ZNF33A: variants seen among roughly 807,000 people sequenced by gnomAD.
ZNF33A encodes the protein zinc finger protein 33A, also known as brain my041 protein.
Under a neutral mutation model 15.9 loss-of-function variants are expected in ZNF33A, and 9 were observed. The ratio of observed to expected loss-of-function variants is 0.57; its 90% CI spans 0.34 to 0.99. The LOEUF (loss-of-function observed/expected upper bound fraction) is 0.99. Among genes scored for constraint, ZNF33A ranks in the 50% least tolerant of loss-of-function variants. The pLI, the probability that ZNF33A is intolerant of heterozygous loss-of-function variation, is 0.02. For synonymous variants in ZNF33A, 294 were observed against 324.2 expected, an observed-to-expected ratio of 0.91 and a Z score of 1.00; for missense variants, 843 against 941.6, an observed-to-expected ratio of 0.90 and a Z score of 1.37.
In ZNF33A at chr10:38,059,233, C is replaced by CA. The variant is rs1176953088; in HGVS notation, c.*2679dup. On this transcript the variant is annotated 3_prime_UTR_variant, in exon 5 of 5. Transcript: ENST00000432900. ...ACTCAAGTTGGTAAAGAACATACTA[C>CA]AAAAAACCCTACAGCTAACATTATC... 3 of 152,132 alleles carry CA rather than the reference C, an allele frequency of 2.0e-5. No individual in the cohort carries two copies. The highest frequency in any genetic ancestry group is 7.2e-5 in the African/African-American group (3 of 41,416). 9.4% of individuals were successfully genotyped at this position (152,132 alleles called of 1,614,324 possible).
chr10:38,024,100 C>T (rs1005607742), intron 4 of ZNF33A, among the ~76,000 whole-genome samples: 2 of 139,510 alleles, frequency 1.4e-5, no homozygotes, highest in South Asian at 4.3e-4. Context: ...TACGGTGAGC[C>T]GAGATCACGC....
chr10:38,039,675 A>G (rs1461944853), intron 4 of ZNF33A: 8 of 433,430 alleles, frequency 1.8e-5, no homozygotes, highest in Non-Finnish European at 3.2e-5. Flanking sequence ...GTTGGCATAC[A>G]TTGTTCATAC....
At chr10:38,045,949 G>A (rs116781853) in intron 4 of ZNF33A, among the ~76,000 whole-genome samples, 1,663 of 152,288 alleles carry the variant, frequency 0.011, 36 homozygotes, top group African/African-American at 0.038. Context: ...CTCTGGGTGA[G>A]TGATACTGTG....
chr10:38,010,492 G>A (rs374564534), upstream of ZNF33A, among the ~76,000 whole-genome samples: 2 of 152,192 alleles, frequency 1.3e-5, no homozygotes, highest in Non-Finnish European at 1.5e-5. Context: ...GAAAGCCAGG[G>A]CTGCAGGCAG....
At chr10:38,042,747 C>A (rs1590636555) in intron 4 of ZNF33A, among the ~76,000 whole-genome samples, 2 of 151,932 alleles carry the variant, frequency 1.3e-5, no homozygotes, top group African/African-American at 4.8e-5. Context: ...GAGATGGTGT[C>A]TCAATATGTT....
At chr10:38,053,392 T>C (rs1436242878) in intron 4 of ZNF33A, among the ~76,000 whole-genome samples, 2 of 152,114 alleles carry the variant, frequency 1.3e-5, no homozygotes, top group Admixed American at 6.6e-5. Context: ...GAAAGAGAGC[T>C]CATGCATGTG....
chr10:38,021,179 CAG>C (rs994846341), intron 4 of ZNF33A, among the ~76,000 whole-genome samples: 100 of 152,212 alleles, frequency 6.6e-4, no homozygotes, highest in South Asian at 1.4e-3. Context: ...TTAATCAAAA[CAG>C]AGTGACACTA....
chr10:38,066,366 C>T (rs548864252), downstream of ZNF33A, among the ~76,000 whole-genome samples: 11 of 152,026 alleles, frequency 7.2e-5, 1 homozygote, highest in South Asian at 2.1e-4. Context: ...GCAACCTCTG[C>T]CCCCTGGGTT....
intron 4 of ZNF33A, among the ~76,000 whole-genome samples, chr10:38,037,161 ATGAAGATCCACTCCTG>A (rs2065488673): frequency 6.6e-6 from 1 of 152,130 alleles, no homozygotes; most frequent in Non-Finnish European, 1.5e-5. Context: ...TCCCCAGGGC[ATGAAGATCCACTCCTG>A]TATTTTCTTT....
At chr10:38,061,566 C>G (rs569402818), downstream of ZNF33A, among the ~76,000 whole-genome samples, 21 of 152,192 alleles carry the variant, frequency 1.4e-4, no homozygotes, top group African/African-American at 4.6e-4. Flanking sequence ...GGGCCACAGA[C>G]TACATGACCT....
intron 2 of ZNF33A, among the ~76,000 whole-genome samples, chr10:38,014,104 C>T (rs765687913): frequency 5.0e-5 from 6 of 119,576 alleles, no homozygotes; most frequent in Non-Finnish European, 8.0e-5. Flanking sequence ...GTGCAGTGTG[C>T]GATCTTGGCT....
intron 4 of ZNF33A, chr10:38,039,442 G>T (rs1450943676): frequency 1.5e-5 from 7 of 454,610 alleles, no homozygotes; most frequent in East Asian, 1.4e-4. Context: ...TCCTGGGCTG[G>T]TCTTAAACTC....
rs189494304 is a variant in ZNF33A at position 38,012,100 on chromosome 10, T to C, written c.-44-198T>C. On this transcript the variant is annotated intron_variant, in intron 1 of 4. Coordinates refer to ENST00000432900, the MANE Select transcript of ZNF33A (RefSeq NM_006954.2). ...TACATAATTATGTTGGAGTTATTCTTTCACCATTTCTACCGCCTATTCCGA... is the reference window on the plus strand; with the variant it reads ...TACATAATTATGTTGGAGTTATTCTCTCACCATTTCTACCGCCTATTCCGA... 3.9e-3 allele frequency among the ~76,000 whole-genome samples: 599 copies of C among 152,320 alleles called. 6 individuals are homozygous for C. The highest frequency in any genetic ancestry group is 0.014 in the African/African-American group (570 of 41,568).
chr10:38,024,175 A>AGAG, intron 4 of ZNF33A, among the ~76,000 whole-genome samples: 1 of 144,746 alleles, frequency 6.9e-6, no homozygotes, highest in South Asian at 2.2e-4. Context: ...AAAAAAAAAA[A>AGAG]AAAAAAGAAA....
At chr10:38,011,788 A>G (rs767102918) in intron 1 of ZNF33A, among the ~76,000 whole-genome samples, 9 of 152,218 alleles carry the variant, frequency 5.9e-5, no homozygotes, top group Non-Finnish European at 1.0e-4. Context: ...AGAAATAGCA[A>G]CAAAGTTAGA....
At chr10:38,037,278 A>G (rs1313444494) in intron 4 of ZNF33A, among the ~76,000 whole-genome samples, 2 of 152,012 alleles carry the variant, frequency 1.3e-5, no homozygotes, top group African/African-American at 2.4e-5. Flanking sequence ...ATTGTTTTGC[A>G]TACAAATATT....
chr10:38,027,290 G>T lies in ZNF33A; in HGVS notation c.250+9904G>T, dbSNP rs117841901. Among the ~76,000 whole-genome samples the T allele has an allele frequency of 9.1e-3, 1,376 of 151,168 alleles. 18 individuals are homozygous for T. Among genetic ancestry groups the T allele is most frequent in the Admixed American group, 0.034 (512 of 15,152 alleles). ...AAATATATTTTACTGGAATTTTTGT[G>T]TGTGTGTGTATAGCTTTGTATCTGT... is the stretch of plus-strand genomic sequence containing the variant. On this transcript the variant is annotated intron_variant, in intron 4 of 4. Transcript: ENST00000432900.
In ZNF33A at chr10:38,054,572, A is replaced by G. The variant is rs531271558; in HGVS notation, c.448A>G (p.Asn150Asp). The G allele has an allele frequency of 5.6e-6, 9 of 1,611,728 alleles. No homozygotes were observed. In the East Asian group the frequency reaches 1.6e-4, roughly 28 times the overall value. Residue 150 changes from asparagine (N) to aspartate (D), a missense_variant, in exon 5 of 5, where the codon AAC (asparagine) becomes GAC (aspartate). Coordinates refer to ENST00000432900, the MANE Select transcript of ZNF33A (RefSeq NM_006954.2). ...CQCDSCGMSF[N>D]TVSELVISKI... ...GTGTGATTCATGTGGAATGAGTTTC[A>G]ACACTGTTTCAGAATTGGTTATCAG...
At chr10:38,046,715 T>C (rs1344888557) in intron 4 of ZNF33A, among the ~76,000 whole-genome samples, 2 of 152,128 alleles carry the variant, frequency 1.3e-5, no homozygotes, top group Admixed American at 1.3e-4. Flanking sequence ...GCCATAGATA[T>C]TAGAATTAAC....
Sources: gnomAD v4.1 joint callset for allele counts (sites outside exome capture counted in the v4.1 genomes callset) on GRCh38, gnomAD v4.1.1 for gene constraint, MANE v1.5 for transcripts, NCBI Gene and HGNC (gene_info 2026-07-23, HGNC 2026-07-21) for gene names.